SENP6: variants seen among roughly 807,000 people sequenced by gnomAD.
SENP6 encodes SUMO specific peptidase 6.
In SENP6, 41 loss-of-function variants were observed where a neutral mutation model predicts 134.5. That is an observed-to-expected ratio of 0.30 (90% confidence interval 0.24 to 0.40). The LOEUF (loss-of-function observed/expected upper bound fraction) is 0.40. Among genes scored for constraint, SENP6 ranks in the 10% least tolerant of loss-of-function variants. The pLI is 1.00. For synonymous variants in SENP6, 395 were observed against 429.8 expected (o/e 0.92, Z 1.00); for missense variants, 1,248 against 1,312.5 (o/e 0.95, Z 0.76).
At chr6:75,644,210 G>T (rs1205476100) in intron 6 of SENP6, 1 of 140,228 alleles carries the variant, frequency 7.1e-6, no homozygotes, top group East Asian at 2.1e-4. Context: ...CAGTAAAAAA[G>T]AAAAAAAAAA....
At chr6:75,619,938 T>C (rs932589263) in intron 1 of SENP6, among the ~76,000 whole-genome samples, 29 of 151,846 alleles carry the variant, frequency 1.9e-4, no homozygotes, top group African/African-American at 7.0e-4. Flanking sequence ...CAAAAAAATT[T>C]AAAAATTTCC....
At chr6:75,633,834 C>G (rs1769297225) in intron 4 of SENP6, 108 bp downstream of exon 4, 1 of 903,690 alleles carries the variant, frequency 1.1e-6, no homozygotes. Flanking sequence ...CTGAATTTGT[C>G]TATAGGGCCA....
At chr6:75,673,641 A>G (rs867451939) in intron 11 of SENP6, among the ~76,000 whole-genome samples, 169 of 152,190 alleles carry the variant, frequency 1.1e-3, no homozygotes, top group African/African-American at 3.4e-3. Context: ...TACTTATAAT[A>G]TTAATGTGTG....
At chr6:75,649,176 A>T (rs935945611) in intron 7 of SENP6, among the ~76,000 whole-genome samples, 1 of 152,028 alleles carries the variant, frequency 6.6e-6, no homozygotes, top group Non-Finnish European at 1.5e-5. Flanking sequence ...TTAGCTGGGC[A>T]TGATGGCACA....
chr6:75,676,111 C>A, intron 13 of SENP6, 57 bp downstream of exon 13: 1 of 1,219,692 alleles, frequency 8.2e-7, no homozygotes, highest in Non-Finnish European at 1.1e-6. Flanking sequence ...TTTACAATAT[C>A]TGTTAAATAG....
intron 6 of SENP6, among the ~76,000 whole-genome samples, chr6:75,646,284 A>C (rs1343244261): frequency 6.6e-6 from 1 of 152,152 alleles, no homozygotes; most frequent in Admixed American, 6.5e-5. Context: ...CACAAATTTC[A>C]AATTTTTCAG....
At chr6:75,620,482 C>T (rs1021096218) in intron 1 of SENP6, among the ~76,000 whole-genome samples, 1 of 152,148 alleles carries the variant, frequency 6.6e-6, no homozygotes, top group African/African-American at 2.4e-5. Context: ...ATGGAAGGGG[C>T]AAACAGGCTC....
intron 7 of SENP6, among the ~76,000 whole-genome samples, chr6:75,648,147 G>A (rs2149849789): frequency 6.6e-6 from 1 of 152,168 alleles, no homozygotes; most frequent in Admixed American, 6.5e-5. Flanking sequence ...TACTGGTTTT[G>A]CTTCTAAAAT....
In SENP6 at chr6:75,640,710, C is replaced by T; in HGVS notation, c.479+6C>T. The T allele has an allele frequency of 6.7e-7, 1 of 1,488,386 alleles. No homozygotes were observed. Among genetic ancestry groups the T allele is most frequent in the South Asian group, 1.4e-5 (1 of 69,800 alleles). The allele number at this position is 1,488,386 out of a possible 1,614,324, so 92.2% of individuals were successfully genotyped here. The stretch of plus-strand genomic sequence containing the variant: ...AGTCTGGACCGAAAAGAAAGGTAAG[C>T]TTAATATTGAAGAAATTAGAGCATG... On this transcript the variant is annotated splice_donor_region_variant and intron_variant, in intron 6 of 23. Coordinates refer to ENST00000447266, the MANE Select transcript of SENP6 (RefSeq NM_015571.4).
chr6:75,672,852 G>A (rs775076), intron 11 of SENP6, among the ~76,000 whole-genome samples: 1 of 152,036 alleles, frequency 6.6e-6, no homozygotes, highest in African/African-American at 2.4e-5. Context: ...TTTTGAGACA[G>A]AGTCTCACTC....
intron 18 of SENP6, chr6:75,697,829 A>G (rs1022002827): frequency 2.0e-5 from 4 of 199,992 alleles, no homozygotes; most frequent in Non-Finnish European, 4.0e-5. Context: ...GTATTATTTT[A>G]TACAAAAAGA....
At chr6:75,627,931 C>T (rs1021259819) in intron 3 of SENP6, among the ~76,000 whole-genome samples, 11 of 151,996 alleles carry the variant, frequency 7.2e-5, no homozygotes, top group South Asian at 4.1e-4. Context: ...CTTGGCCTCC[C>T]GAAGTGCTGA....
At chr6:75,690,506 A>C (rs1774164129) in intron 16 of SENP6, among the ~76,000 whole-genome samples, 2 of 152,192 alleles carry the variant, frequency 1.3e-5, no homozygotes, top group Admixed American at 6.5e-5. Flanking sequence ...AACAGAAAAT[A>C]GAATTGATGT....
chr6:75,682,854 C>T (rs537964221), intron 16 of SENP6, among the ~76,000 whole-genome samples: 57 of 152,042 alleles, frequency 3.7e-4, no homozygotes, highest in East Asian at 1.9e-4. Flanking sequence ...TGAATAGTGC[C>T]GCAATAAACA....
In SENP6 at chr6:75,663,535, C is replaced by G. The variant is rs764614730; in HGVS notation, c.994+17C>G. ...ATGATCCAAGTAAGTATTTTACTCCCTTTAATATTGCTTATATCAATCCAG... is the reference window on the plus strand; with the variant it reads ...ATGATCCAAGTAAGTATTTTACTCCGTTTAATATTGCTTATATCAATCCAG... On this transcript the variant is annotated intron_variant, in intron 9 of 23. Transcript: ENST00000447266. 1 of 1,574,700 alleles carries G rather than the reference C, an allele frequency of 6.4e-7. No individual in the cohort carries two copies. Among genetic ancestry groups the G allele is most frequent in the Non-Finnish European group, 8.6e-7 (1 of 1,158,446 alleles).
chr6:75,698,914 G>A (rs1774832736), intron 18 of SENP6, among the ~76,000 whole-genome samples: 1 of 151,824 alleles, frequency 6.6e-6, no homozygotes, highest in Admixed American at 6.6e-5. Flanking sequence ...AGGAGGCTGA[G>A]GCAGGAGGAT....
At chr6:75,666,184 A>T (rs1772215537) in intron 9 of SENP6, among the ~76,000 whole-genome samples, 1 of 86,966 alleles carries the variant, frequency 1.1e-5, no homozygotes, top group Non-Finnish European at 3.7e-5. Context: ...CGTATATATG[A>T]TATATATAAA....
chr6:75,675,859 G>T lies in SENP6; in HGVS notation c.1427-1G>T. ...TTTCCATTTCATTTGTTTTCCTCCA[G>T]AACCAGACCATGATCCTGTAGAGAT... On this transcript the variant is annotated splice_acceptor_variant, in intron 12 of 23. Transcript: ENST00000447266. LOFTEE classifies it high-confidence loss of function. 1 of 1,573,472 alleles carries T rather than the reference G, an allele frequency of 6.4e-7. No homozygotes were observed. Among genetic ancestry groups the T allele is most frequent in the South Asian group, 1.2e-5 (1 of 83,624 alleles).
rs564644652 is a variant in SENP6, at chr6:75,695,608, G to A, written c.2076-196G>A. ...AAAAATTAGCTGGGCGTGGTGGTGT[G>A]TGCCTGTAATCCCAGCTACTTGGGA... is the stretch of plus-strand genomic sequence containing the variant. On this transcript the variant is annotated intron_variant, in intron 16 of 23. Transcript: ENST00000447266. Among the ~76,000 whole-genome samples, 20 of 152,268 alleles carry A rather than the reference G, an allele frequency of 1.3e-4. No homozygotes were observed. In the South Asian group the frequency reaches 2.9e-3, roughly 22 times the overall value.
Sources: allele counts gnomAD v4.1 joint callset (sites outside exome capture counted in the v4.1 genomes callset), GRCh38; gene constraint gnomAD v4.1.1; transcripts MANE v1.5; gene names NCBI Gene and HGNC (gene_info 2026-07-23, HGNC 2026-07-21).